LRFN5: variants seen among roughly 807,000 people sequenced by gnomAD.
LRFN5 encodes leucine-rich repeat and fibronectin type-III domain-containing protein 5.
Under a neutral mutation model 45.6 loss-of-function variants are expected in LRFN5, and 24 were observed. The observed-to-expected ratio is 0.53, with a 90% confidence interval of 0.38 to 0.74. The LOEUF is 0.74. LRFN5 is among the 30% of genes least tolerant of loss of function. LRFN5 has a pLI of 0.00. For synonymous variants in LRFN5, 340 were observed against 313.8 expected (o/e 1.08, Z -0.88); for missense variants, 776 against 861.5 (o/e 0.90, Z 1.24).
At chr14:41,827,837 G>C (rs1009430152) in intron 2 of LRFN5, among the ~76,000 whole-genome samples, 1 of 151,926 alleles carries the variant, frequency 6.6e-6, no homozygotes, top group Non-Finnish European at 1.5e-5. Context: ...TTGGGAACTA[G>C]TTCTCATTTA....
intron 2 of LRFN5, among the ~76,000 whole-genome samples, chr14:41,820,028 G>T (rs1204695849): frequency 6.7e-6 from 1 of 149,980 alleles, no homozygotes; most frequent in Non-Finnish European, 1.5e-5. Flanking sequence ...GTCCTTTGTT[G>T]AATGCATAGT....
At chr14:41,619,952 T>A (rs556163885) in intron 1 of LRFN5, among the ~76,000 whole-genome samples, 5 of 152,082 alleles carry the variant, frequency 3.3e-5, no homozygotes, top group African/African-American at 1.2e-4. Flanking sequence ...ATTATTATTA[T>A]TATATATTGA....
At chr14:41,743,197 A>T (rs1401553563) in intron 1 of LRFN5, among the ~76,000 whole-genome samples, 2 of 152,112 alleles carry the variant, frequency 1.3e-5, no homozygotes, top group African/African-American at 2.4e-5. Context: ...CATGTTGTGC[A>T]TTTTTTTATA....
At chr14:41,617,505 G>A (rs143423382) in intron 1 of LRFN5, among the ~76,000 whole-genome samples, 1 of 152,012 alleles carries the variant, frequency 6.6e-6, no homozygotes, top group African/African-American at 2.4e-5. Context: ...TGTGTTTTTA[G>A]TCTCCTTTAA....
intron 1 of LRFN5, among the ~76,000 whole-genome samples, chr14:41,645,960 T>A (rs1879795556): frequency 6.6e-6 from 1 of 152,194 alleles, no homozygotes; most frequent in African/African-American, 2.4e-5. Context: ...GAAGTGATTT[T>A]AAAATTGTTT....
Position 41,704,436 on chromosome 14 carries a change from C to CTGTGTGTGTGTGTG in LRFN5, c.-196-62417_-196-62416insGTGTGTGTGTGTGT, listed in dbSNP as rs1430752309. On this transcript the variant is annotated intron_variant, in intron 1 of 5. Coordinates refer to ENST00000298119, the MANE Select transcript of LRFN5 (RefSeq NM_152447.5). ...TCTCTCTCTCTCTCTCTCTCTCTCT[C>CTGTGTGTGTGTGTG]TCTCTCTCTCTCTGTGTGTGTGTGT... Among the ~76,000 whole-genome samples the CTGTGTGTGTGTGTG allele has an allele frequency of 8.3e-3, 745 of 89,424 alleles. 18 individuals carry two copies. The highest frequency in any genetic ancestry group is 0.026 in the African/African-American group (485 of 18,558). The allele number at this position is 89,424 out of a possible 152,430, so 58.7% of individuals were successfully genotyped here.
chr14:41,803,943 A>G (rs532152101), intron 2 of LRFN5, among the ~76,000 whole-genome samples: 2 of 152,246 alleles, frequency 1.3e-5, no homozygotes, highest in East Asian at 3.9e-4. Flanking sequence ...GGCTCACTGC[A>G]ACCTCTGCCT....
chr14:41,781,967 T>C (rs2138920903), intron 2 of LRFN5, among the ~76,000 whole-genome samples: 1 of 152,262 alleles, frequency 6.6e-6, no homozygotes, highest in Middle Eastern at 3.4e-3. Flanking sequence ...TTCAAGATTT[T>C]TGCTTTATAA....
At chr14:41,665,866 A>G (rs979803177) in intron 1 of LRFN5, among the ~76,000 whole-genome samples, 1 of 152,046 alleles carries the variant, frequency 6.6e-6, no homozygotes, top group Non-Finnish European at 1.5e-5. Flanking sequence ...CAATTATATT[A>G]CTATGTAAAA....
chr14:41,722,565 G>GT (rs201341679), intron 1 of LRFN5, among the ~76,000 whole-genome samples: 76,235 of 145,582 alleles, frequency 0.52, 20,112 homozygotes, highest in Non-Finnish European at 0.56. Flanking sequence ...AAAATACGGT[G>GT]TTTTTTTTTT....
chr14:41,745,052 T>G (rs1884866831), intron 1 of LRFN5, among the ~76,000 whole-genome samples: 1 of 152,040 alleles, frequency 6.6e-6, no homozygotes, highest in Non-Finnish European at 1.5e-5. Flanking sequence ...CACAGAACAC[T>G]CTACCCAACA....
intron 2 of LRFN5, among the ~76,000 whole-genome samples, chr14:41,771,967 C>A (rs945421913): frequency 6.6e-6 from 1 of 152,110 alleles, no homozygotes; most frequent in Non-Finnish European, 1.5e-5. Flanking sequence ...TCTATAAAGA[C>A]AAAAGGATTA....
At chr14:41,619,008 T>C (rs940794511) in intron 1 of LRFN5, among the ~76,000 whole-genome samples, 1 of 151,682 alleles carries the variant, frequency 6.6e-6, no homozygotes, top group African/African-American at 2.4e-5. Context: ...ATCATTGTAT[T>C]AGAGAAGCTT....
intron 2 of LRFN5, among the ~76,000 whole-genome samples, chr14:41,804,731 T>C (rs1413530461): frequency 6.6e-6 from 1 of 152,208 alleles, no homozygotes; most frequent in Non-Finnish European, 1.5e-5. Flanking sequence ...TCTTTCACTG[T>C]CACAATTTTC....
intron 1 of LRFN5, among the ~76,000 whole-genome samples, chr14:41,691,265 A>G (rs775522309): frequency 1.1e-4 from 17 of 152,060 alleles, no homozygotes; most frequent in Non-Finnish European, 2.2e-4. Context: ...AAACTTCCTC[A>G]TACAATTAAT....
chr14:41,880,144 G>A (rs1047653665), intron 2 of LRFN5, among the ~76,000 whole-genome samples: 1 of 151,542 alleles, frequency 6.6e-6, no homozygotes, highest in Non-Finnish European at 1.5e-5. Context: ...AGCCAGGATG[G>A]TCTCGATCTC....
At position 41,853,167 on chromosome 14, in the gene LRFN5, G is replaced by A. The variant is rs143308616; in HGVS notation, c.-20-33439G>A. On this transcript the variant is annotated intron_variant, in intron 2 of 5. Coordinates refer to ENST00000298119, the MANE Select transcript of LRFN5 (RefSeq NM_152447.5). ...GAAGATGGATCCATTAAATATTTTC[G>A]AAATTTAGAATCCACCTGAATTTTT... is the stretch of plus-strand genomic sequence containing the variant. Among the ~76,000 whole-genome samples the A allele has an allele frequency of 3.7e-4, 56 of 151,912 alleles. 1 individual carries two copies. Among genetic ancestry groups the A allele is most frequent in the African/African-American group, 1.3e-3 (52 of 41,514 alleles).
In LRFN5 at chr14:41,688,910, C is replaced by CAAAAA. The variant is rs59803978; in HGVS notation, c.-196-77930_-196-77926dup. Among the ~76,000 whole-genome samples the CAAAAA allele has an allele frequency of 4.3e-3, 538 of 125,214 alleles. 5 individuals carry two copies. Among genetic ancestry groups the CAAAAA allele is most frequent in the African/African-American group, 0.015 (519 of 34,736 alleles). 82.1% of individuals were successfully genotyped at this position (125,214 alleles called of 152,430 possible). Reference sequence around the variant, plus strand: ...CAGCATGGTGAGACCCTATTTCTACCAAAAAAAAAAAAAAAAAAGGAAAAA... The same window carrying CAAAAA: ...CAGCATGGTGAGACCCTATTTCTACCAAAAAAAAAAAAAAAAAAAAAAAGGAAAAA... On this transcript the variant is annotated intron_variant, in intron 1 of 5. Transcript: ENST00000298119.
At chr14:41,756,030 A>T (rs907660512) in intron 1 of LRFN5, among the ~76,000 whole-genome samples, 10 of 152,264 alleles carry the variant, frequency 6.6e-5, no homozygotes, top group Non-Finnish European at 7.4e-5. Flanking sequence ...TATGAAGCTT[A>T]GTTTGGCTGG....
Sources: allele counts gnomAD v4.1 joint callset (sites outside exome capture counted in the v4.1 genomes callset), GRCh38; gene constraint gnomAD v4.1.1; transcripts MANE v1.5; gene names NCBI Gene and HGNC (gene_info 2026-07-23, HGNC 2026-07-21).